The following LMX1A variants were observed in gnomAD, a reference collection of about 807,000 sequenced individuals.
The protein encoded by LMX1A is LIM homeobox transcription factor 1-alpha.
Under a neutral mutation model 49.1 loss-of-function variants are expected in LMX1A, and 15 were observed. The observed-to-expected ratio is 0.31, with a 90% CI of 0.20 to 0.47. The LOEUF (loss-of-function observed/expected upper bound fraction) is 0.47, where lower values mean the gene tolerates loss of function less well. Among genes scored for constraint, LMX1A ranks in the 20% least tolerant of loss-of-function variants. LMX1A has a pLI of 1.00. For missense variants in LMX1A, 372 were observed against 475.8 expected, an observed-to-expected ratio of 0.78 and a Z score of 2.03; for synonymous variants, 167 against 185.7, an observed-to-expected ratio of 0.90 and a Z score of 0.82.
intron 4 of LMX1A, among the ~76,000 whole-genome samples, chr1:165,219,263 A>G (rs1651750903): frequency 6.6e-6 from 1 of 152,176 alleles, no homozygotes; most frequent in Admixed American, 6.5e-5. Flanking sequence ...CCAACGGCCC[A>G]TAAACAGGGC....
intron 4 of LMX1A, among the ~76,000 whole-genome samples, chr1:165,227,735 A>G (rs1038873310): frequency 6.6e-6 from 1 of 152,124 alleles, no homozygotes; most frequent in African/African-American, 2.4e-5. Context: ...AAGAAATTCA[A>G]ATTATTAATA....
At chr1:165,265,144 C>T (rs1014666552) in intron 3 of LMX1A, among the ~76,000 whole-genome samples, 5 of 149,542 alleles carry the variant, frequency 3.3e-5, no homozygotes, top group African/African-American at 1.2e-4. Flanking sequence ...GTGGAGCTTG[C>T]AGTGAGCCGA....
At chr1:165,269,768 T>C (rs1653739038) in intron 3 of LMX1A, among the ~76,000 whole-genome samples, 1 of 152,160 alleles carries the variant, frequency 6.6e-6, no homozygotes, top group Non-Finnish European at 1.5e-5. Context: ...CTGGAAGCCA[T>C]TATTCTCAGC....
chr1:165,269,892 C>A (rs561363958), intron 3 of LMX1A, among the ~76,000 whole-genome samples: 1 of 151,776 alleles, frequency 6.6e-6, no homozygotes, highest in African/African-American at 2.4e-5. Flanking sequence ...GGGGCCTGTG[C>A]GGGGAGAGTT....
chr1:165,206,932 G>A (rs1305971099), intron 7 of LMX1A, among the ~76,000 whole-genome samples: 7 of 152,130 alleles, frequency 4.6e-5, no homozygotes, highest in Non-Finnish European at 1.0e-4. Flanking sequence ...TCAAATTCTG[G>A]ATTAAGCCTA....
intron 3 of LMX1A, among the ~76,000 whole-genome samples, chr1:165,281,910 G>A (rs755714045): frequency 6.6e-6 from 1 of 152,196 alleles, no homozygotes; most frequent in Non-Finnish European, 1.5e-5. Context: ...AGATGGCAAT[G>A]AGTTTTCACT....
At chr1:165,233,509 C>T (rs1017118889) in intron 4 of LMX1A, among the ~76,000 whole-genome samples, 1 of 152,104 alleles carries the variant, frequency 6.6e-6, no homozygotes, top group African/African-American at 2.4e-5. Context: ...TCTGTGATTC[C>T]CAAATTCACA....
At chr1:165,334,704 G>T (rs149190489) in intron 3 of LMX1A, among the ~76,000 whole-genome samples, 1 of 152,314 alleles carries the variant, frequency 6.6e-6, no homozygotes, top group East Asian at 1.9e-4. Flanking sequence ...GAATTGAGAA[G>T]AACTTCACTC....
Position 165,284,689 on chromosome 1 carries a change from GA to G in LMX1A, c.264-35050del, listed in dbSNP as rs565560241. Reference sequence around the variant, plus strand: ...TAGTTAAAGCATTTGTTTTCAGCAAGATTTATAGGCTTGTCTGCTGAGCGCA... The same window carrying G: ...TAGTTAAAGCATTTGTTTTCAGCAAGTTTATAGGCTTGTCTGCTGAGCGCA... On this transcript the variant is annotated intron_variant, in intron 3 of 8. Transcript: ENST00000342310. Among the ~76,000 whole-genome samples the G allele has an allele frequency of 8.0e-4, 122 of 152,328 alleles. 5 individuals carry two copies. The South Asian group carries it at 0.024, about 30-fold the overall frequency.
rs535561315 is a variant in LMX1A, at chr1:165,252,321, T to C, written c.264-2681A>G. Among the ~76,000 whole-genome samples the C allele has an allele frequency of 4.3e-4, 66 of 152,350 alleles. 1 individual carries two copies. Among genetic ancestry groups the C allele is most frequent in the African/African-American group, 1.5e-3 (64 of 41,584 alleles). On this transcript the variant is annotated intron_variant, in intron 3 of 8. Transcript: ENST00000342310. ...ACACATAATAGATATCCAATAAAGA[T>C]GTCTCTCTTCTCTTCCTTGTCACTC...
intron 3 of LMX1A, among the ~76,000 whole-genome samples, chr1:165,333,282 C>T (rs1270791691): frequency 1.3e-5 from 2 of 152,134 alleles, no homozygotes; most frequent in Non-Finnish European, 2.9e-5. Flanking sequence ...CTCGGCCTCC[C>T]GAGTAGCTGG....
At chr1:165,296,981 A>G (rs543159554) in intron 3 of LMX1A, among the ~76,000 whole-genome samples, 35 of 152,362 alleles carry the variant, frequency 2.3e-4, no homozygotes, top group African/African-American at 8.2e-4. Flanking sequence ...GAAGGTCCGC[A>G]AACTCCTAAC....
intron 3 of LMX1A, among the ~76,000 whole-genome samples, chr1:165,310,732 G>A (rs1655052342): frequency 6.6e-6 from 1 of 152,238 alleles, no homozygotes; most frequent in African/African-American, 2.4e-5. Flanking sequence ...TGTGGGTACT[G>A]AGGGCTGCTG....
chr1:165,224,647 A>AAT (rs769549594), intron 4 of LMX1A, among the ~76,000 whole-genome samples: 48 of 152,368 alleles, frequency 3.2e-4, no homozygotes, highest in African/African-American at 1.0e-3. Context: ...TCAGGAGATT[A>AAT]ATAATTAGCT....
At chr1:165,275,158 G>C (rs1653926567) in intron 3 of LMX1A, among the ~76,000 whole-genome samples, 1 of 152,156 alleles carries the variant, frequency 6.6e-6, no homozygotes, top group East Asian at 1.9e-4. Flanking sequence ...AACACAGCCA[G>C]ACTGACATCT....
chr1:165,236,204 C>T (rs1235430858), intron 4 of LMX1A, among the ~76,000 whole-genome samples: 1 of 152,182 alleles, frequency 6.6e-6, no homozygotes, highest in Non-Finnish European at 1.5e-5. Flanking sequence ...TGATTCCCAC[C>T]CGCCGCCCTT....
intron 4 of LMX1A, among the ~76,000 whole-genome samples, chr1:165,247,974 C>T (rs1652917758): frequency 6.6e-6 from 1 of 152,200 alleles, no homozygotes; most frequent in South Asian, 2.1e-4. Flanking sequence ...ATCAAGCACC[C>T]AGTGTCCCAG....
chr1:165,226,208 A>G (rs1304817326), intron 4 of LMX1A, among the ~76,000 whole-genome samples: 1 of 152,304 alleles, frequency 6.6e-6, no homozygotes, highest in African/African-American at 2.4e-5. Context: ...ATGGCTGTTA[A>G]GCACCAAAGC....
intron 3 of LMX1A, among the ~76,000 whole-genome samples, chr1:165,256,323 C>A (rs1025015502): frequency 6.6e-6 from 1 of 152,136 alleles, no homozygotes; most frequent in Non-Finnish European, 1.5e-5. Context: ...AAGCCACCAC[C>A]TTTCCCTGAA....
Sources: allele counts gnomAD v4.1 joint callset (sites outside exome capture counted in the v4.1 genomes callset), GRCh38; gene constraint gnomAD v4.1.1; transcripts MANE v1.5; gene names NCBI Gene and HGNC (gene_info 2026-07-23, HGNC 2026-07-21).